EPM2A: variants seen among roughly 807,000 people sequenced by gnomAD.
EPM2A encodes laforin.
A neutral mutation model predicts 26.5 loss-of-function variants in EPM2A; 21 were observed. That is an observed-to-expected ratio of 0.79 (90% CI 0.56 to 1.14). The LOEUF (loss-of-function observed/expected upper bound fraction) is 1.14, where lower values mean the gene tolerates loss of function less well. Among genes scored for constraint, EPM2A ranks in the 50% most tolerant of loss-of-function variants. EPM2A has a pLI of 0.00. For synonymous variants in EPM2A, 217 were observed against 177.6 expected (o/e 1.22, Z -1.76); for missense variants, 458 against 440.8 (o/e 1.04, Z -0.35).
chr6:145,683,268 GGTGTGTGTGTGTGTGT>G (rs35326843), intron 2 of EPM2A, among the ~76,000 whole-genome samples: 17 of 134,010 alleles, frequency 1.3e-4, no homozygotes, highest in Admixed American at 1.0e-3. Context: ...CCCAGGATTT[GGTGTGTGTGTGTGTGT>G]GTGTGTGTGT....
intron 2 of EPM2A, chr6:145,682,777 A>G (rs549058474): frequency 1.8e-4 from 27 of 152,306 alleles, no homozygotes; most frequent in African/African-American, 6.3e-4. Flanking sequence ...TATAAAGGAT[A>G]TTGGCAATTC....
In EPM2A at chr6:145,480,181, T is replaced by TA. The variant is rs745471211; in HGVS notation, c.555+22340dup. 2.6e-4 allele frequency among the ~76,000 whole-genome samples: 38 copies of TA among 145,862 alleles called. 1 individual carries two copies. Among genetic ancestry groups the TA allele is most frequent in the South Asian group, 8.5e-4 (4 of 4,684 alleles). On this transcript the variant is annotated intron_variant, in intron 4 of 4. Coordinates refer to the EPM2A transcript ENST00000638717. Reference sequence around the variant, plus strand: ...ACTACCTAAGACTGGGTAATTTATTTAAAAAAAAAAGAGGTTTGACTCACA... The same window carrying TA: ...ACTACCTAAGACTGGGTAATTTATTTAAAAAAAAAAAGAGGTTTGACTCACA...
intron 2 of EPM2A, among the ~76,000 whole-genome samples, chr6:145,533,593 T>A (rs1378888715): frequency 6.6e-6 from 1 of 152,206 alleles, no homozygotes; most frequent in Non-Finnish European, 1.5e-5. Context: ...CTCAAATGCA[T>A]GAGCTCATTC....
chr6:145,685,816 C>G (rs1780861791), intron 2 of EPM2A, among the ~76,000 whole-genome samples: 1 of 152,120 alleles, frequency 6.6e-6, no homozygotes, highest in East Asian at 1.9e-4. Flanking sequence ...TTAATTTAGT[C>G]TATTTTAGTG....
intron 4 of EPM2A, among the ~76,000 whole-genome samples, chr6:145,454,605 G>GA (rs1394535986): frequency 6.6e-6 from 1 of 152,136 alleles, no homozygotes; most frequent in Non-Finnish European, 1.5e-5. Context: ...AGGGGATACT[G>GA]AAAAAATTTT....
chr6:145,445,540 C>G (rs574938884), intron 4 of EPM2A, among the ~76,000 whole-genome samples: 4 of 152,172 alleles, frequency 2.6e-5, no homozygotes, highest in Admixed American at 1.3e-4. Context: ...CTGGGGTATT[C>G]TAAAATTCTA....
intron 4 of EPM2A, among the ~76,000 whole-genome samples, chr6:145,401,413 T>G (rs988850948): frequency 1.3e-5 from 2 of 152,134 alleles, no homozygotes; most frequent in South Asian, 4.1e-4. Context: ...TAAGGATGGA[T>G]AGTAATTCTT....
At chr6:145,397,577 A>C (rs1056351744) in intron 4 of EPM2A, among the ~76,000 whole-genome samples, 21 of 152,220 alleles carry the variant, frequency 1.4e-4, no homozygotes, top group Non-Finnish European at 5.9e-5. Flanking sequence ...AGCTGTAGGC[A>C]TCAACCACCA....
intron 2 of EPM2A, among the ~76,000 whole-genome samples, chr6:145,506,239 G>A (rs1462122001): frequency 6.6e-6 from 1 of 152,178 alleles, no homozygotes; most frequent in African/African-American, 2.4e-5. Context: ...ACTCCACGTA[G>A]TATGAAGAAG....
At chr6:145,673,542 T>A (rs1204616830) in intron 2 of EPM2A, among the ~76,000 whole-genome samples, 1 of 152,196 alleles carries the variant, frequency 6.6e-6, no homozygotes, top group African/African-American at 2.4e-5. Flanking sequence ...TATGACAGAC[T>A]GTACCTGGAA....
chr6:145,404,513 G>A (rs188302696), intron 4 of EPM2A, among the ~76,000 whole-genome samples: 3 of 151,908 alleles, frequency 2.0e-5, no homozygotes, highest in Non-Finnish European at 4.4e-5. Context: ...ATTGAAGCTC[G>A]CCCTTCATTC....
chr6:145,687,196 C>G (rs540057556), intron 1 of EPM2A, among the ~76,000 whole-genome samples: 2 of 152,052 alleles, frequency 1.3e-5, no homozygotes, highest in South Asian at 4.2e-4. Context: ...GAAGAAGAAC[C>G]CTCACAAATG....
rs540420388 is a variant in EPM2A at position 145,492,945 on chromosome 6, G to A, written c.555+9577C>T. ...GTTCTCACTTTGGGCTGCTGTTCCAGGCTTGAGGGTGGGACCCTCGCCAGG... is the reference window on the plus strand; with the variant it reads ...GTTCTCACTTTGGGCTGCTGTTCCAAGCTTGAGGGTGGGACCCTCGCCAGG... On this transcript the variant is annotated intron_variant, in intron 4 of 4. Coordinates refer to the EPM2A transcript ENST00000638717. Among the ~76,000 whole-genome samples the A allele has an allele frequency of 1.4e-3, 211 of 152,298 alleles. 1 individual carries two copies. The highest frequency in any genetic ancestry group is 2.1e-3 in the Non-Finnish European group (140 of 68,018).
intron 4 of EPM2A, among the ~76,000 whole-genome samples, chr6:145,455,864 T>C (rs1017141000): frequency 2.0e-5 from 3 of 152,232 alleles, no homozygotes; most frequent in African/African-American, 7.2e-5. Context: ...GACATGAGAC[T>C]ATAAATTTAT....
At chr6:145,416,922 A>C (rs1778716388) in intron 4 of EPM2A, among the ~76,000 whole-genome samples, 1 of 152,146 alleles carries the variant, frequency 6.6e-6, no homozygotes, top group African/African-American at 2.4e-5. Context: ...TGTGAAAAGA[A>C]AGTTAAAATA....
chr6:145,451,983 T>C (rs2114709356), intron 4 of EPM2A, among the ~76,000 whole-genome samples: 2 of 152,294 alleles, frequency 1.3e-5, no homozygotes, highest in East Asian at 3.9e-4. Flanking sequence ...CTCCTCTTCA[T>C]CATTGTTTTT....
At chr6:145,709,226 G>A (rs1460432319) in intron 1 of EPM2A, among the ~76,000 whole-genome samples, 2 of 152,154 alleles carry the variant, frequency 1.3e-5, no homozygotes, top group South Asian at 2.1e-4. Flanking sequence ...TGTTGGGAAG[G>A]CATGATTGGT....
intron 4 of EPM2A, among the ~76,000 whole-genome samples, chr6:145,394,775 A>G (rs1292698688): frequency 6.6e-6 from 1 of 152,144 alleles, no homozygotes; most frequent in East Asian, 1.9e-4. Flanking sequence ...CAATCCAGAA[A>G]GTCAATTTTT....
At chr6:145,593,599 G>T (rs938932524) in intron 2 of EPM2A, among the ~76,000 whole-genome samples, 2 of 152,030 alleles carry the variant, frequency 1.3e-5, no homozygotes, top group Non-Finnish European at 2.9e-5. Context: ...GAACAAAATG[G>T]ATGTAACTAG....
Sources: allele counts gnomAD v4.1 joint callset (sites outside exome capture counted in the v4.1 genomes callset), GRCh38; gene constraint gnomAD v4.1.1; transcripts MANE v1.5; gene names NCBI Gene and HGNC (gene_info 2026-07-23, HGNC 2026-07-21).